The following EIF3I variants were observed in gnomAD, a reference collection of about 807,000 sequenced individuals.
EIF3I encodes the protein TGF-beta receptor-interacting protein 1.
A neutral mutation model predicts 43.3 loss-of-function variants in EIF3I; 20 were observed. The ratio of observed to expected loss-of-function variants is 0.46; its 90% CI spans 0.32 to 0.67. The LOEUF (loss-of-function observed/expected upper bound fraction) is 0.67. Ranked by LOEUF, EIF3I falls within the 30% of genes least tolerant of loss-of-function variation. The pLI, the probability that EIF3I is intolerant of heterozygous loss-of-function variation, is 0.03. For missense variants in EIF3I, 279 were observed against 421.4 expected (o/e 0.66, Z 2.96); for synonymous variants, 167 against 151.7 (o/e 1.10, Z -0.74).
chr1:32,228,860 T>C (rs759883339), intron 8 of EIF3I, 44 bp downstream of exon 8: 46 of 1,505,588 alleles, frequency 3.1e-5, no homozygotes, highest in Non-Finnish European at 4.1e-5. Context: ...CTCAGGAAGC[T>C]TCCAAGTTCT....
exon 12 of EIF3I, chr1:32,231,247 CTT>C: frequency 2.0e-6 from 3 of 1,502,330 alleles, no homozygotes; most frequent in Non-Finnish European, 2.7e-6. Flanking sequence ...AATCCCACCA[CTT>C]TTTTTTTAAG....
At chr1:32,227,606 C>T (rs1198630421) in intron 6 of EIF3I, among the ~76,000 whole-genome samples, 2 of 152,030 alleles carry the variant, frequency 1.3e-5, no homozygotes, top group East Asian at 3.9e-4. Context: ...GACCCTGTCT[C>T]TACAAAAAAA....
downstream of EIF3I, chr1:32,234,465 C>G (rs116838202): frequency 6.5e-6 from 1 of 152,688 alleles, no homozygotes; most frequent in Admixed American, 6.5e-5. Context: ...GCCCAAACAG[C>G]GCCAACAGTA....
chr1:32,232,642 C>T (rs554189816), downstream of EIF3I, among the ~76,000 whole-genome samples: 7 of 152,262 alleles, frequency 4.6e-5, no homozygotes, highest in South Asian at 6.2e-4. Context: ...AACAGTGAGG[C>T]GGCTGCCGGA....
downstream of EIF3I, chr1:32,234,027 G>C (rs1639270802): frequency 1.3e-5 from 2 of 152,180 alleles, no homozygotes; most frequent in Admixed American, 1.3e-4. Flanking sequence ...GCTGGGCGGA[G>C]TGACTCACGC....
At chr1:32,224,537 T>TC in intron 4 of EIF3I, 62 bp downstream of exon 4, 12 of 1,241,870 alleles carry the variant, frequency 9.7e-6, no homozygotes, top group Non-Finnish European at 1.3e-5. Flanking sequence ...CCTGTTTGAG[T>TC]AAACAGGTCC....
At chr1:32,230,047 A>G (rs1435387792) in intron 9 of EIF3I, among the ~76,000 whole-genome samples, 1 of 151,974 alleles carries the variant, frequency 6.6e-6, no homozygotes, top group African/African-American at 2.4e-5. Context: ...TCTTCCCCAT[A>G]TAATAAAAAA....
At chr1:32,222,443 T>G (rs1455263515) in exon 1 of EIF3I, 1 of 1,600,150 alleles carries the variant, frequency 6.2e-7, no homozygotes, top group Non-Finnish European at 8.5e-7. Context: ...ACAGCCGGGA[T>G]GGTGAGTTTC....
chr1:32,230,773 G>A lies in EIF3I; in HGVS notation c.915-154G>A, dbSNP rs137948242. 8.4e-3 allele frequency among the ~76,000 whole-genome samples: 1,281 copies of A among 152,248 alleles called. 25 individuals carry two copies. Among genetic ancestry groups the A allele is most frequent in the African/African-American group, 0.029 (1,223 of 41,560 alleles). ...CAGGAGGGGGAGGTTCCAGTGAACC[G>A]AGATTGCGCCACTGTACTCCACCCT... is the stretch of plus-strand genomic sequence containing the variant. On this transcript the variant is annotated intron_variant, in intron 10 of 11. Transcript: ENST00000676679.
rs373164043 is a variant in EIF3I, at chr1:32,226,543, A to G, written c.528+13A>G. On this transcript the variant is annotated intron_variant, in intron 6 of 11. Transcript: ENST00000676679. ...GTATAGTGCCAAGGTAAGAGGCCAC[A>G]TGGGGCCTGAGCCTACCAGAATAAT... 6.0e-6 allele frequency: 9 copies of G among 1,508,424 alleles called. No homozygotes were observed. The African/African-American group carries it at 9.9e-5, about 17-fold the overall frequency. 93.4% of individuals were successfully genotyped at this position (1,508,424 alleles called of 1,614,324 possible). A position where few individuals can be genotyped will look rare whatever the true frequency, so the allele number is the denominator to read the frequency against.
Position 32,228,491 on chromosome 1 carries a change from T to C in EIF3I, c.529-8T>C. 6.2e-7 allele frequency: 1 copy of C among 1,613,000 alleles called. No homozygotes were observed. Among genetic ancestry groups the C allele is most frequent in the Non-Finnish European group, 8.5e-7 (1 of 1,178,964 alleles). ...GCCCATTCAGTGTCACTCTTCTTCC[T>C]TCCCTAGTCTGGAGAGGTGTTGGTG... On this transcript the variant is annotated splice_polypyrimidine_tract_variant and splice_region_variant and intron_variant, in intron 6 of 11. Transcript: ENST00000676679.
downstream of EIF3I, among the ~76,000 whole-genome samples, chr1:32,235,535 G>A (rs1193867577): frequency 6.6e-6 from 1 of 152,164 alleles, no homozygotes; most frequent in African/African-American, 2.4e-5. Flanking sequence ...TGGCCAGAAT[G>A]GTCTCGGACT....
Position 32,228,818 on chromosome 1 carries a change from T to C in EIF3I, c.729+2T>C. 1 of 1,611,858 alleles carries C rather than the reference T, an allele frequency of 6.2e-7. No homozygotes were observed. Among genetic ancestry groups the C allele is most frequent in the Non-Finnish European group, 8.5e-7 (1 of 1,178,262 alleles). On this transcript the variant is annotated splice_donor_variant, in intron 8 of 11. Transcript: ENST00000676679. LOFTEE classifies it high-confidence loss of function. ...GCCCTCTCCCCCAACTATGACCATG[T>C]AAGAGAACCCCACCTGCCTTCCTGC...
chr1:32,234,469 A>G (rs1639276420), downstream of EIF3I: 4 of 152,712 alleles, frequency 2.6e-5, no homozygotes, highest in South Asian at 8.3e-4. Flanking sequence ...AAACAGCGCC[A>G]ACAGTAGCCC....
At chr1:32,224,151 T>C (rs551659906) in intron 3 of EIF3I, 30 bp downstream of exon 3, 16 of 1,609,804 alleles carry the variant, frequency 9.9e-6, no homozygotes, top group Middle Eastern at 1.7e-4. Flanking sequence ...GAGTCCGTGT[T>C]GCTAGGGTCT....
intron 2 of EIF3I, among the ~76,000 whole-genome samples, chr1:32,223,742 G>C (rs1304907333): frequency 6.6e-6 from 1 of 152,154 alleles, no homozygotes; most frequent in Non-Finnish European, 1.5e-5. Flanking sequence ...TGTTTTTCTG[G>C]ACTGGAGCTC....
Position 32,222,456 on chromosome 1 carries a change from A to C in EIF3I, c.3+12A>C, listed in dbSNP as rs778301330. The C allele has an allele frequency of 6.2e-7, 1 of 1,606,522 alleles. No homozygotes were observed. Among genetic ancestry groups the C allele is most frequent in the Non-Finnish European group, 8.5e-7 (1 of 1,174,522 alleles). On this transcript the variant is annotated intron_variant, in intron 1 of 11. Coordinates refer to ENST00000676679, the Ensembl canonical transcript of EIF3I. Reference sequence around the variant, plus strand: ...TCACAGCCGGGATGGTGAGTTTCAGAGTTAGGGGTATTGCAGTGGGGGTCC... The same window carrying C: ...TCACAGCCGGGATGGTGAGTTTCAGCGTTAGGGGTATTGCAGTGGGGGTCC...
chr1:32,227,502 G>A (rs887566080), intron 6 of EIF3I, among the ~76,000 whole-genome samples: 2 of 152,032 alleles, frequency 1.3e-5, no homozygotes, highest in African/African-American at 2.4e-5. Context: ...CAGGCCGGGT[G>A]TGGTGACTCA....
chr1:32,227,138 T>C (rs1639159912), intron 6 of EIF3I, among the ~76,000 whole-genome samples: 1 of 151,532 alleles, frequency 6.6e-6, no homozygotes, highest in Non-Finnish European at 1.5e-5. Flanking sequence ...CAGGGCTGTA[T>C]GCTGTGGCTC....
Sources: gnomAD v4.1 joint callset for allele counts (sites outside exome capture counted in the v4.1 genomes callset) on GRCh38, gnomAD v4.1.1 for gene constraint, MANE v1.5 for transcripts, NCBI Gene and HGNC (gene_info 2026-07-23, HGNC 2026-07-21) for gene names.